Variants in PCDH15 observed in about 807,000 individuals in gnomAD.
PCDH15 encodes protocadherin related 15, also known as protocadherin-15.
Under a neutral mutation model 178.5 loss-of-function variants are expected in PCDH15, and 129 were observed. That is an observed-to-expected ratio of 0.72 (90% CI 0.63 to 0.84). PCDH15 has a LOEUF of 0.84. PCDH15 is among the 40% of genes least tolerant of loss of function. PCDH15 has a pLI of 0.00. For missense variants in PCDH15, 2,230 were observed against 2,099.9 expected (o/e 1.06, Z -1.21); for synonymous variants, 800 against 732.0 (o/e 1.09, Z -1.50).
At chr10:55,599,782 C>G (rs991228310) in intron 2 of PCDH15, 2 of 478,084 alleles carry the variant, frequency 4.2e-6, no homozygotes, top group Non-Finnish European at 7.1e-6. Flanking sequence ...AAACATCACC[C>G]CTAGCATTGC....
chr10:55,197,926 C>T (rs906107129), intron 1 of PCDH15, among the ~76,000 whole-genome samples: 4 of 151,930 alleles, frequency 2.6e-5, no homozygotes, highest in African/African-American at 9.7e-5. Context: ...TTAAAGATAA[C>T]AAATCAATAT....
At chr10:54,738,057 T>A (rs1043369342) in intron 1 of PCDH15, among the ~76,000 whole-genome samples, 23 of 151,998 alleles carry the variant, frequency 1.5e-4, no homozygotes, top group African/African-American at 5.6e-4. Context: ...ACTTCACATG[T>A]TCTGGAGAAT....
At chr10:53,883,818 C>A (rs1210683803) in intron 26 of PCDH15, among the ~76,000 whole-genome samples, 1 of 152,160 alleles carries the variant, frequency 6.6e-6, no homozygotes, top group Non-Finnish European at 1.5e-5. Context: ...CAGGTTCAAG[C>A]GATTCTCCTG....
chr10:55,365,655 G>A (rs951686386), intron 2 of PCDH15, among the ~76,000 whole-genome samples: 2 of 100,230 alleles, frequency 2.0e-5, no homozygotes, highest in Non-Finnish European at 4.2e-5. Flanking sequence ...AGTACCACGA[G>A]ATATATGGTT....
intron 2 of PCDH15, among the ~76,000 whole-genome samples, chr10:55,383,960 CAAGA>C (rs1321029081): frequency 6.6e-6 from 1 of 151,908 alleles, no homozygotes; most frequent in Non-Finnish European, 1.5e-5. Context: ...AAAATAATAG[CAAGA>C]AAGAGAACAC....
chr10:54,743,085 C>T lies in PCDH15; in HGVS notation c.-29+57840G>A, dbSNP rs542597071. Among the ~76,000 whole-genome samples, 33 of 152,026 alleles carry T rather than the reference C, an allele frequency of 2.2e-4. 1 individual carries two copies. The South Asian group carries it at 6.6e-3, about 31-fold the overall frequency. On this transcript the variant is annotated intron_variant, in intron 1 of 37. Coordinates refer to ENST00000644397, the MANE Select transcript of PCDH15 (RefSeq NM_001384140.1). ...ACTAAGAAAGCCAGAAGTGAGTAAC[C>T]AGCAGAAAAGTAGATAAAGGTTCTG...
At chr10:54,929,397 C>T (rs1837711649) in intron 2 of PCDH15, among the ~76,000 whole-genome samples, 1 of 152,168 alleles carries the variant, frequency 6.6e-6, no homozygotes, top group Non-Finnish European at 1.5e-5. Flanking sequence ...GCACGATCAT[C>T]AGCTGTGGCA....
chr10:53,877,878 A>G (rs2080359602), intron 26 of PCDH15, among the ~76,000 whole-genome samples: 1 of 152,118 alleles, frequency 6.6e-6, no homozygotes, highest in African/African-American at 2.4e-5. Flanking sequence ...ACACTGGCCA[A>G]TTTCAGGCTC....
intron 2 of PCDH15, among the ~76,000 whole-genome samples, chr10:55,159,685 T>C: frequency 6.8e-6 from 1 of 147,812 alleles, no homozygotes; most frequent in East Asian, 1.9e-4. Context: ...TATAAAGAGA[T>C]ATATTTCTTA....
chr10:55,296,784 G>T (rs1843143336), intron 1 of PCDH15, among the ~76,000 whole-genome samples: 2 of 151,990 alleles, frequency 1.3e-5, no homozygotes, highest in African/African-American at 4.8e-5. Context: ...CATAAATCTT[G>T]ACAAACACAT....
At chr10:55,162,697 C>T (rs2132114825) in intron 2 of PCDH15, among the ~76,000 whole-genome samples, 1 of 152,256 alleles carries the variant, frequency 6.6e-6, no homozygotes, top group East Asian at 1.9e-4. Context: ...ATTGCTAAGA[C>T]TCCTGTCTTG....
At chr10:55,417,574 T>C (rs1838514690) in intron 2 of PCDH15, among the ~76,000 whole-genome samples, 1 of 151,690 alleles carries the variant, frequency 6.6e-6, no homozygotes, top group South Asian at 2.1e-4. Flanking sequence ...TAGTAGGGGA[T>C]AGAAGACGAA....
chr10:54,977,360 C>A (rs1839098468), intron 2 of PCDH15, among the ~76,000 whole-genome samples: 1 of 152,152 alleles, frequency 6.6e-6, no homozygotes, highest in Non-Finnish European at 1.5e-5. Context: ...CCCCTCAAAT[C>A]CAAGATAGCT....
At chr10:53,995,060 CT>C (rs1483663483) in intron 21 of PCDH15, 4 of 151,806 alleles carry the variant, frequency 2.6e-5, no homozygotes, top group African/African-American at 9.7e-5. Context: ...TTATAGAAAG[CT>C]TTTTTATATG....
At chr10:55,317,410 T>C (rs989577037) in intron 1 of PCDH15, among the ~76,000 whole-genome samples, 13 of 152,144 alleles carry the variant, frequency 8.5e-5, no homozygotes, top group Admixed American at 7.2e-4. Context: ...TTCTTTCCCA[T>C]GTGTTTTAAT....
intron 2 of PCDH15, among the ~76,000 whole-genome samples, chr10:55,141,718 T>G (rs761779625): frequency 7.9e-5 from 12 of 152,104 alleles, no homozygotes; most frequent in Non-Finnish European, 1.6e-4. Context: ...TTACAATTTT[T>G]GTAAGCTGTT....
At chr10:54,517,019 T>G (rs543832753) in intron 3 of PCDH15, among the ~76,000 whole-genome samples, 1 of 152,168 alleles carries the variant, frequency 6.6e-6, no homozygotes, top group South Asian at 2.1e-4. Context: ...CTGAGAGATT[T>G]TGTCACCACC....
intron 2 of PCDH15, among the ~76,000 whole-genome samples, chr10:54,933,997 T>C (rs1425101021): frequency 6.6e-6 from 1 of 152,116 alleles, no homozygotes; most frequent in African/African-American, 2.4e-5. Flanking sequence ...ACATAATGAA[T>C]TAAGATATAG....
intron 2 of PCDH15, among the ~76,000 whole-genome samples, chr10:54,937,219 G>A (rs1322056473): frequency 6.6e-6 from 1 of 151,764 alleles, no homozygotes; most frequent in Non-Finnish European, 1.5e-5. Context: ...TGGTTTTGTA[G>A]TAAGTTATAC....
Sources: allele counts gnomAD v4.1 joint callset (sites outside exome capture counted in the v4.1 genomes callset), GRCh38; gene constraint gnomAD v4.1.1; transcripts MANE v1.5; gene names NCBI Gene and HGNC (gene_info 2026-07-23, HGNC 2026-07-21).